The following IGF2BP1 variants were observed in gnomAD, a reference collection of about 807,000 sequenced individuals.
The protein encoded by IGF2BP1 is insulin-like growth factor 2 mRNA-binding protein 1.
In IGF2BP1, 11 loss-of-function variants were observed where a neutral mutation model predicts 74.9. That is an observed-to-expected ratio of 0.15 (90% CI 0.09 to 0.24). The LOEUF (loss-of-function observed/expected upper bound fraction) is 0.24. Ranked by LOEUF, IGF2BP1 falls within the 10% of genes least tolerant of loss-of-function variation. The pLI is 1.00. For missense variants in IGF2BP1, 440 were observed against 757.4 expected (o/e 0.58, Z 4.92); for synonymous variants, 287 against 281.8 (o/e 1.02, Z -0.18).
intron 5 of IGF2BP1, among the ~76,000 whole-genome samples, chr17:49,033,388 C>T (rs2041947039): frequency 6.6e-6 from 1 of 151,932 alleles, no homozygotes; most frequent in African/African-American, 2.4e-5. Flanking sequence ...GTCGCCCAGG[C>T]TGGAGTGCAG....
chr17:49,035,590 G>A (rs567604638), intron 5 of IGF2BP1, among the ~76,000 whole-genome samples: 5 of 152,184 alleles, frequency 3.3e-5, no homozygotes, highest in African/African-American at 1.2e-4. Flanking sequence ...CACACATGTG[G>A]GGCCCCACCA....
rs1424280858 is a variant in IGF2BP1 at position 49,031,919 on chromosome 17, A to C, written c.347A>C (p.Glu116Ala). 1.9e-6 allele frequency: 3 copies of C among 1,612,070 alleles called. No homozygotes were observed. Among genetic ancestry groups the C allele is most frequent in the Non-Finnish European group, 1.7e-6 (2 of 1,178,988 alleles). Residue 116 changes from glutamate (E) to alanine (A), a missense_variant, in exon 5 of 15, where the codon GAG (glutamate) becomes GCG (alanine). By Grantham distance (107) the Glu-to-Ala change is moderately radical. Transcript: ENST00000290341. ...TVENCEQVNT[E>A]SETAVVNVTY... ...TCTCTTTTCTCTGCAGTGAACACCG[A>C]GAGTGAGACGGCAGTGGTGAATGTC...
intron 4 of IGF2BP1, among the ~76,000 whole-genome samples, chr17:49,030,469 T>C (rs981028555): frequency 6.6e-6 from 1 of 152,170 alleles, no homozygotes; most frequent in African/African-American, 2.4e-5. Context: ...TAATACACTT[T>C]GGTTCTTGTG....
intron 11 of IGF2BP1, among the ~76,000 whole-genome samples, chr17:49,044,651 G>A (rs865907530): frequency 2.6e-5 from 4 of 152,362 alleles, no homozygotes; most frequent in Middle Eastern, 3.4e-3. Flanking sequence ...CAGTGGAGGT[G>A]CAGTCACTGC....
chr17:49,014,917 TC>T, intron 2 of IGF2BP1: 1 of 985,308 alleles, frequency 1.0e-6, no homozygotes. Flanking sequence ...CCTCGGCTGT[TC>T]CCTCTGGAGG....
rs1478553965 is a variant in IGF2BP1, at chr17:49,055,618, T to TA, written c.*6175dup. On this transcript the variant is annotated 3_prime_UTR_variant, in exon 15 of 15. Coordinates refer to ENST00000290341, the MANE Select transcript of IGF2BP1 (RefSeq NM_006546.4). ...AAATGAATTTCAGCAGATTATGTGT[T>TA]ACCATAATGAATAAACGTCCTCTAT... The TA allele has an allele frequency of 5.0e-6, 2 of 398,630 alleles. No homozygotes were observed. Among genetic ancestry groups the TA allele is most frequent in the Non-Finnish European group, 8.8e-6 (2 of 226,070 alleles). The allele number at this position is 398,630 out of a possible 1,614,324, so 24.7% of individuals were successfully genotyped here. A position where few individuals can be genotyped will look rare whatever the true frequency, so the allele number is the denominator to read the frequency against.
rs1213157454 is a variant in IGF2BP1, at chr17:49,032,091, G to A, written c.401+118G>A. 3 of 846,240 alleles carry A rather than the reference G, an allele frequency of 3.5e-6. No homozygotes were observed. The African/African-American group carries it at 5.1e-5, about 14-fold the overall frequency. 52.4% of individuals were successfully genotyped at this position (846,240 alleles called of 1,614,324 possible). ...TAGGCAGGCTGGGTCCCCATCCAGG[G>A]TTCTGATATTAGCCCAAGCCAAACC... is the stretch of plus-strand genomic sequence containing the variant. On this transcript the variant is annotated intron_variant, in intron 5 of 14. Coordinates refer to ENST00000290341, the MANE Select transcript of IGF2BP1 (RefSeq NM_006546.4).
chr17:49,051,295 T>C lies in IGF2BP1; in HGVS notation c.*1851T>C, dbSNP rs1391215339. On this transcript the variant is annotated 3_prime_UTR_variant, in exon 15 of 15. Transcript: ENST00000290341. ...TTATGTTTCATAATTTCTTACAACA[T>C]GAGCCAGTAACCCTTTAGGAACTCT... 3 of 152,644 alleles carry C rather than the reference T, an allele frequency of 2.0e-5. No homozygotes were observed. The highest frequency in any genetic ancestry group is 7.2e-5 in the African/African-American group (3 of 41,442). 9.5% of individuals were successfully genotyped at this position (152,644 alleles called of 1,614,324 possible). A position where few individuals can be genotyped will look rare whatever the true frequency, so the allele number is the denominator to read the frequency against.
intron 2 of IGF2BP1, chr17:49,012,302 T>G (rs577219319): frequency 5.3e-5 from 8 of 152,244 alleles, no homozygotes; most frequent in African/African-American, 1.9e-4. Flanking sequence ...AATAATACAC[T>G]TGAGAGGAAG....
Position 49,010,418 on chromosome 17 carries a change from G to A in IGF2BP1, c.236+11249G>A, listed in dbSNP as rs1178686943. On this transcript the variant is annotated intron_variant, in intron 2 of 14. Transcript: ENST00000290341. ...TGCAAGCTCCGCCTCCCGGGTTCAC[G>A]TCATTCTCCTGCCTCAGCCTCCCCG... is the stretch of plus-strand genomic sequence containing the variant. Among the ~76,000 whole-genome samples the A allele has an allele frequency of 2.0e-5, 3 of 147,204 alleles. No individual in the cohort carries two copies. The East Asian group carries it at 6.2e-4, about 30-fold the overall frequency.
At chr17:49,005,510 G>A (rs2041541067) in intron 2 of IGF2BP1, among the ~76,000 whole-genome samples, 1 of 152,128 alleles carries the variant, frequency 6.6e-6, no homozygotes, top group South Asian at 2.1e-4. Flanking sequence ...TTTGGTGGCT[G>A]GAAGGCATGT....
chr17:49,039,892 G>A (rs1027494044), intron 6 of IGF2BP1, 65 bp from the exon 7 acceptor site: 2 of 1,574,300 alleles, frequency 1.3e-6, no homozygotes, highest in Admixed American at 3.4e-5. Context: ...GGGTAGTGGG[G>A]TGGGGAGCCT....
chr17:49,044,335 C>A (rs904466840), intron 11 of IGF2BP1, among the ~76,000 whole-genome samples: 5 of 152,142 alleles, frequency 3.3e-5, no homozygotes, highest in Non-Finnish European at 5.9e-5. Context: ...AACTTAGGTT[C>A]TAACACAAAC....
chr17:49,032,966 C>T (rs1468895468), intron 5 of IGF2BP1, among the ~76,000 whole-genome samples: 2 of 152,018 alleles, frequency 1.3e-5, no homozygotes, highest in Non-Finnish European at 1.5e-5. Flanking sequence ...CAGACATGCA[C>T]CATTATGCCT....
chr17:49,015,195 ACTT>A (rs1263111965), intron 2 of IGF2BP1, among the ~76,000 whole-genome samples: 1 of 152,124 alleles, frequency 6.6e-6, no homozygotes, highest in African/African-American at 2.4e-5. Flanking sequence ...CTGGTCTCGA[ACTT>A]CTGACTTCAG....
At chr17:49,024,318 C>G (rs1010914378) in intron 2 of IGF2BP1, among the ~76,000 whole-genome samples, 1 of 151,910 alleles carries the variant, frequency 6.6e-6, no homozygotes, top group African/African-American at 2.4e-5. Context: ...AGGGTGGGAG[C>G]TGGGAGGATC....
At chr17:48,998,907 A>C (rs2041445395) in intron 1 of IGF2BP1, among the ~76,000 whole-genome samples, 1 of 152,180 alleles carries the variant, frequency 6.6e-6, no homozygotes, top group African/African-American at 2.4e-5. Context: ...AAAATTAAAA[A>C]ATGAATAATA....
intron 2 of IGF2BP1, among the ~76,000 whole-genome samples, chr17:49,022,913 C>T (rs949519818): frequency 2.0e-5 from 3 of 152,254 alleles, no homozygotes; most frequent in African/African-American, 7.2e-5. Context: ...CCCCACCTCT[C>T]TGCCCTTCAT....
intron 10 of IGF2BP1, among the ~76,000 whole-genome samples, 196 bp downstream of exon 10, chr17:49,043,746 C>T (rs144490638): frequency 4.7e-4 from 71 of 152,254 alleles, no homozygotes; most frequent in African/African-American, 1.7e-3. Flanking sequence ...AGAATGCTCC[C>T]GGGGCATAGA....
Sources: gnomAD v4.1 joint callset for allele counts (sites outside exome capture counted in the v4.1 genomes callset) on GRCh38, gnomAD v4.1.1 for gene constraint, MANE v1.5 for transcripts, NCBI Gene and HGNC (gene_info 2026-07-23, HGNC 2026-07-21) for gene names.